SP2: variants seen among roughly 807,000 people sequenced by gnomAD.
The protein encoded by SP2 is transcription factor Sp2.
A neutral mutation model predicts 50.1 loss-of-function variants in SP2; 9 were observed. The observed-to-expected ratio is 0.18, with a 90% CI of 0.11 to 0.31. The LOEUF is 0.31. Ranked by LOEUF, SP2 falls within the 10% of genes least tolerant of loss-of-function variation. The pLI, the probability that SP2 is intolerant of heterozygous loss-of-function variation, is 1.00. For missense variants in SP2, 581 were observed against 806.5 expected, an observed-to-expected ratio of 0.72 and a Z score of 3.39; for synonymous variants, 313 against 326.6, an observed-to-expected ratio of 0.96 and a Z score of 0.45.
chr17:47,904,262 C>CAAA (rs71366804), intron 1 of SP2, among the ~76,000 whole-genome samples: 3 of 99,694 alleles, frequency 3.0e-5, no homozygotes, highest in Non-Finnish European at 4.1e-5. Context: ...GACTCTGTCC[C>CAAA]AAAAAAAAAA....
chr17:47,925,630 T>A, intron 6 of SP2, 89 bp downstream of exon 6: 1 of 1,045,274 alleles, frequency 9.6e-7, no homozygotes, highest in Non-Finnish European at 1.4e-6. Flanking sequence ...TTAGCAACAT[T>A]GACACTCCTG....
chr17:47,918,782 A>T (rs1221330420), intron 3 of SP2, among the ~76,000 whole-genome samples: 1 of 152,156 alleles, frequency 6.6e-6, no homozygotes, highest in Non-Finnish European at 1.5e-5. Flanking sequence ...TGTATTCTAT[A>T]TTAGAGGTTT....
chr17:47,902,772 T>G (rs1432341233), intron 1 of SP2, among the ~76,000 whole-genome samples: 2 of 152,180 alleles, frequency 1.3e-5, no homozygotes, highest in Non-Finnish European at 2.9e-5. Flanking sequence ...TTTTGTTTTT[T>G]GAGATGTTGT....
chr17:47,900,759 A>G (rs1271454640), intron 1 of SP2, among the ~76,000 whole-genome samples: 1 of 152,252 alleles, frequency 6.6e-6, no homozygotes, highest in Non-Finnish European at 1.5e-5. Flanking sequence ...CCTGGGTAAC[A>G]GAGCAAGACT....
chr17:47,923,807 G>A (rs942926068), intron 4 of SP2, among the ~76,000 whole-genome samples: 3 of 151,934 alleles, frequency 2.0e-5, no homozygotes, highest in East Asian at 1.9e-4. Context: ...GCAGTGGTGC[G>A]ATCTCTGCTT....
chr17:47,916,056 G>A lies in SP2; in HGVS notation c.85-100G>A. On this transcript the variant is annotated intron_variant, in intron 2 of 6. Coordinates refer to ENST00000376741, the MANE Select transcript of SP2 (RefSeq NM_003110.6). The surrounding 1 kb of genome is among the most constrained non-coding windows in gnomAD (Gnocchi z 4.7). ...ACATGCCTGCCCCGGAGGTGGGGAA[G>A]ACTGGCGTGGAATGCCGCCAGGAGG... is the stretch of plus-strand genomic sequence containing the variant. The A allele has an allele frequency of 7.1e-7, 1 of 1,402,930 alleles. No homozygotes were observed. The highest frequency in any genetic ancestry group is 9.6e-7 in the Non-Finnish European group (1 of 1,037,846). 86.9% of individuals were successfully genotyped at this position (1,402,930 alleles called of 1,614,324 possible).
intron 1 of SP2, among the ~76,000 whole-genome samples, chr17:47,912,426 T>C (rs1192877635): frequency 6.6e-6 from 1 of 151,776 alleles, no homozygotes; most frequent in Non-Finnish European, 1.5e-5. Flanking sequence ...ATCCAGGGCT[T>C]CAGTTTCCAC....
intron 1 of SP2, among the ~76,000 whole-genome samples, chr17:47,902,236 A>C (rs1252697498): frequency 6.6e-6 from 1 of 152,186 alleles, no homozygotes; most frequent in Non-Finnish European, 1.5e-5. Context: ...GTTCAGGAAC[A>C]GCAGGGAGCC....
chr17:47,913,560 T>G (rs1000941023), intron 1 of SP2, among the ~76,000 whole-genome samples: 2 of 152,186 alleles, frequency 1.3e-5, no homozygotes, highest in Non-Finnish European at 2.9e-5. Context: ...TTCCTGATAC[T>G]GTGTTTCTTT....
intron 3 of SP2, among the ~76,000 whole-genome samples, chr17:47,920,654 C>A: frequency 6.6e-6 from 1 of 151,334 alleles, no homozygotes; most frequent in Non-Finnish European, 1.5e-5. Flanking sequence ...AACTTCTGAC[C>A]TTATGATCCA....
At chr17:47,915,977 G>A (rs1322354639) in intron 2 of SP2, among the ~76,000 whole-genome samples, 179 bp from the exon 3 acceptor site, 1 of 152,072 alleles carries the variant, frequency 6.6e-6, no homozygotes, top group Non-Finnish European at 1.5e-5. Context: ...CTCACTTAAT[G>A]GAGAAACCAG....
intron 1 of SP2, among the ~76,000 whole-genome samples, chr17:47,904,327 T>C (rs1598107971): frequency 6.8e-6 from 1 of 147,852 alleles, no homozygotes; most frequent in South Asian, 2.2e-4. Context: ...AGGTGTCTGG[T>C]GGTGTGAACA....
In SP2 at chr17:47,916,025, C is replaced by A; in HGVS notation, c.85-131C>A. The A allele has an allele frequency of 9.3e-7, 1 of 1,073,754 alleles. No individual in the cohort carries two copies. The highest frequency in any genetic ancestry group is 1.3e-6 in the Non-Finnish European group (1 of 743,608). The allele number at this position is 1,073,754 out of a possible 1,614,324, so 66.5% of individuals were successfully genotyped here. ...GACAGCAGCCAAGCAGGGGAGGGTA[C>A]TGGCAACATGCCTGCCCCGGAGGTG... On this transcript the variant is annotated intron_variant, in intron 2 of 6. Coordinates refer to ENST00000376741, the MANE Select transcript of SP2 (RefSeq NM_003110.6). This position sits in a 1 kb window ranked among gnomAD's most constrained non-coding sequence, Gnocchi z 4.7.
At chr17:47,926,592 T>C (rs1474077601) in intron 6 of SP2, among the ~76,000 whole-genome samples, 3 of 152,134 alleles carry the variant, frequency 2.0e-5, no homozygotes, top group Admixed American at 6.6e-5. Flanking sequence ...ATCACAGTTA[T>C]AGTTTTAGGT....
chr17:47,911,667 G>T (rs571079654), intron 1 of SP2, among the ~76,000 whole-genome samples: 5 of 152,008 alleles, frequency 3.3e-5, no homozygotes, highest in Non-Finnish European at 7.4e-5. Context: ...TTAGCCGGGC[G>T]TGGTGGCGGG....
chr17:47,902,099 C>T (rs1024551621), intron 1 of SP2, among the ~76,000 whole-genome samples: 3 of 151,990 alleles, frequency 2.0e-5, no homozygotes, highest in African/African-American at 4.8e-5. Context: ...AGGTGACATC[C>T]GAGTAAAACC....
Position 47,916,055 on chromosome 17 carries a change from A to C in SP2, c.85-101A>C, listed in dbSNP as rs2035188433. 7.2e-7 allele frequency: 1 copy of C among 1,395,314 alleles called. No homozygotes were observed. The highest frequency in any genetic ancestry group is 2.2e-5 in the Admixed American group (1 of 45,906). The allele number at this position is 1,395,314 out of a possible 1,614,324, so 86.4% of individuals were successfully genotyped here. On this transcript the variant is annotated intron_variant, in intron 2 of 6. Transcript: ENST00000376741. The surrounding 1 kb of genome is among the most constrained non-coding windows in gnomAD (Gnocchi z 4.7). ...AACATGCCTGCCCCGGAGGTGGGGA[A>C]GACTGGCGTGGAATGCCGCCAGGAG... is the stretch of plus-strand genomic sequence containing the variant.
intron 3 of SP2, among the ~76,000 whole-genome samples, chr17:47,921,314 T>C (rs972622187): frequency 1.3e-4 from 20 of 152,200 alleles, no homozygotes; most frequent in African/African-American, 4.6e-4. Context: ...AGTGGCACAA[T>C]CTCGACTCAC....
chr17:47,909,498 C>T (rs71377326), intron 1 of SP2, among the ~76,000 whole-genome samples: 2,911 of 152,220 alleles, frequency 0.019, 99 homozygotes, highest in African/African-American at 0.064. Flanking sequence ...GTGATCTGCT[C>T]ACATTGCCCT....
Sources: allele counts gnomAD v4.1 joint callset (sites outside exome capture counted in the v4.1 genomes callset), GRCh38; gene constraint gnomAD v4.1.1; non-coding constraint Gnocchi (gnomAD v3.1); transcripts MANE v1.5; gene names NCBI Gene and HGNC (gene_info 2026-07-23, HGNC 2026-07-21).